The following EPB41L3 variants were observed in gnomAD, a reference collection of about 807,000 sequenced individuals.
EPB41L3 encodes the protein erythrocyte membrane protein band 4.1 like 3.
EPB41L3 carries 57 observed loss-of-function variants against 127.1 expected under a neutral mutation model. That is an observed-to-expected ratio of 0.45 (90% CI 0.36 to 0.56). The LOEUF (loss-of-function observed/expected upper bound fraction) is 0.56, where lower values mean the gene tolerates loss of function less well. EPB41L3 is among the 20% of genes least tolerant of loss of function. The pLI is 0.00. For missense variants in EPB41L3, 1,273 were observed against 1,372.2 expected (o/e 0.93, Z 1.14); for synonymous variants, 572 against 549.5 (o/e 1.04, Z -0.57).
rs958033819 is a variant in EPB41L3, at chr18:5,420,326, C to G, written c.1340-449G>C. 9 of 172,038 alleles carry G rather than the reference C, an allele frequency of 5.2e-5. 1 individual carries two copies. The highest frequency in any genetic ancestry group is 4.4e-4 in the South Asian group (3 of 6,880). 10.7% of individuals were successfully genotyped at this position (172,038 alleles called of 1,614,324 possible). A position where few individuals can be genotyped will look rare whatever the true frequency, so the allele number is the denominator to read the frequency against. ...GCAGTCTTTGCAGTACACAATTGCT[C>G]TAATACACTTGGCTCTTTGGAAGTG... On this transcript the variant is annotated intron_variant, in intron 11 of 22. Coordinates refer to ENST00000341928, the MANE Select transcript of EPB41L3 (RefSeq NM_012307.5).
chr18:5,534,994 T>C (rs2093526148), intron 1 of EPB41L3, among the ~76,000 whole-genome samples: 1 of 152,092 alleles, frequency 6.6e-6, no homozygotes, highest in African/African-American at 2.4e-5. Context: ...CCAAGGACAG[T>C]GGTGGTGAGC....
At position 5,566,788 on chromosome 18, in the gene EPB41L3, TATTCC is replaced by T. The variant is rs796587423; in HGVS notation, c.-306+45547_-306+45551del. On this transcript the variant is annotated intron_variant, in intron 3 of 21. Coordinates refer to the EPB41L3 transcript ENST00000545076. ...TATTCTATTCTATTCTATTCTATTCTATTCCATTCCATTCCATTCTAATTTTATTT... is the reference window on the plus strand; with the variant it reads ...TATTCTATTCTATTCTATTCTATTCTATTCCATTCCATTCTAATTTTATTT... Among the ~76,000 whole-genome samples, 1,089 of 112,362 alleles carry T rather than the reference TATTCC, an allele frequency of 9.7e-3. 29 individuals are homozygous for T. Among genetic ancestry groups the T allele is most frequent in the Middle Eastern group, 0.025 (5 of 202 alleles). The allele number at this position is 112,362 out of a possible 152,430, so 73.7% of individuals were successfully genotyped here.
At chr18:5,563,899 G>C (rs998180727) in intron 3 of EPB41L3, among the ~76,000 whole-genome samples, 7 of 152,274 alleles carry the variant, frequency 4.6e-5, no homozygotes, top group East Asian at 1.9e-4. Context: ...GTTGAGACTA[G>C]GGAGAAGTTA....
At chr18:5,463,127 T>C (rs187247143) in intron 3 of EPB41L3, among the ~76,000 whole-genome samples, 41 of 152,310 alleles carry the variant, frequency 2.7e-4, no homozygotes, top group Middle Eastern at 3.4e-3. Context: ...CATTGCCAAT[T>C]GCCTTGGTTC....
chr18:5,508,166 A>G (rs2092319607), intron 1 of EPB41L3: 1 of 152,220 alleles, frequency 6.6e-6, no homozygotes, highest in Non-Finnish European at 1.5e-5. Context: ...AATAATTACC[A>G]GAGCAACTTC....
intron 11 of EPB41L3, among the ~76,000 whole-genome samples, chr18:5,423,159 C>G (rs1273934505): frequency 6.6e-6 from 1 of 152,116 alleles, no homozygotes; most frequent in Non-Finnish European, 1.5e-5. Flanking sequence ...AAGTGCCATT[C>G]TTTTATGTAA....
At chr18:5,583,594 T>C (rs1288172130) in intron 3 of EPB41L3, among the ~76,000 whole-genome samples, 3 of 152,246 alleles carry the variant, frequency 2.0e-5, no homozygotes, top group African/African-American at 7.2e-5. Context: ...ATTTCTAGCA[T>C]GTACTTTTCT....
chr18:5,420,533 G>T (rs941685849), intron 11 of EPB41L3, among the ~76,000 whole-genome samples: 1 of 152,196 alleles, frequency 6.6e-6, no homozygotes, highest in African/African-American at 2.4e-5. Flanking sequence ...CATTTCTACT[G>T]CATTTTAAAC....
At chr18:5,583,308 GAGA>G (rs1478648842) in intron 3 of EPB41L3, among the ~76,000 whole-genome samples, 1 of 152,154 alleles carries the variant, frequency 6.6e-6, no homozygotes, top group Non-Finnish European at 1.5e-5. Flanking sequence ...AGGAAGTCTG[GAGA>G]AGTTCAGTGA....
intron 3 of EPB41L3, among the ~76,000 whole-genome samples, chr18:5,465,604 C>G (rs2084817062): frequency 6.6e-6 from 1 of 152,080 alleles, no homozygotes; most frequent in Non-Finnish European, 1.5e-5. Context: ...AAGAACCTTT[C>G]AAATTTGCCA....
intron 11 of EPB41L3, chr18:5,420,177 T>C (rs1394477146): frequency 4.3e-6 from 2 of 466,102 alleles, no homozygotes; most frequent in African/African-American, 4.0e-5. Flanking sequence ...TCAGACTCTC[T>C]GCTGAGGATG....
chr18:5,551,127 T>C (rs1619724), intron 3 of EPB41L3, among the ~76,000 whole-genome samples: 35,821 of 152,088 alleles, frequency 0.24, 5,791 homozygotes, highest in African/African-American at 0.46. Flanking sequence ...AATCATTAAG[T>C]CTATTTTGGA....
At chr18:5,526,579 C>T (rs1019569402) in intron 1 of EPB41L3, among the ~76,000 whole-genome samples, 4 of 152,148 alleles carry the variant, frequency 2.6e-5, no homozygotes, top group South Asian at 2.1e-4. Flanking sequence ...AAAATCTCTG[C>T]CCTCCTAACA....
upstream of EPB41L3, among the ~76,000 whole-genome samples, chr18:5,546,287 C>T (rs1424428814): frequency 1.3e-5 from 2 of 152,088 alleles, no homozygotes; most frequent in Non-Finnish European, 1.5e-5. Flanking sequence ...AATCCCAGCA[C>T]TTTGGGAGGC....
At chr18:5,498,688 G>A (rs563758152) in intron 1 of EPB41L3, among the ~76,000 whole-genome samples, 3 of 151,186 alleles carry the variant, frequency 2.0e-5, no homozygotes, top group African/African-American at 7.3e-5. Flanking sequence ...GAGGTTTTAA[G>A]CAAAAAAATC....
chr18:5,545,972 C>T (rs897820115), upstream of EPB41L3, among the ~76,000 whole-genome samples: 1 of 151,666 alleles, frequency 6.6e-6, no homozygotes, highest in Admixed American at 6.6e-5. Flanking sequence ...TTTGCATGTA[C>T]ACTAAAGCAC....
intron 3 of EPB41L3, among the ~76,000 whole-genome samples, chr18:5,595,209 C>T (rs2094525223): frequency 6.6e-6 from 1 of 152,152 alleles, no homozygotes; most frequent in Admixed American, 6.5e-5. Context: ...TGCTTTGTTT[C>T]CAAGAGAATC....
chr18:5,406,670 G>C, intron 16 of EPB41L3, 107 bp downstream of exon 16: 1 of 1,009,026 alleles, frequency 9.9e-7, no homozygotes, highest in Non-Finnish European at 1.4e-6. Context: ...ACATAGGTAG[G>C]AAGAGAGATT....
intron 19 of EPB41L3, 110 bp from the exon 20 acceptor site, chr18:5,395,817 A>T: frequency 1.3e-6 from 1 of 788,898 alleles, no homozygotes; most frequent in Admixed American, 2.0e-5. Context: ...CTATTATGCA[A>T]TCATTATGCT....
Sources: allele counts gnomAD v4.1 joint callset (sites outside exome capture counted in the v4.1 genomes callset), GRCh38; gene constraint gnomAD v4.1.1; transcripts MANE v1.5; gene names NCBI Gene and HGNC (gene_info 2026-07-23, HGNC 2026-07-21).